BEST3: variants seen among roughly 807,000 people sequenced by gnomAD.
BEST3 encodes bestrophin 3, also known as bestrophin-3.
BEST3 carries 50 observed loss-of-function variants against 47.1 expected under a neutral mutation model. The ratio of observed to expected loss-of-function variants is 1.06; its 90% CI spans 0.85 to 1.34. BEST3 has a LOEUF of 1.34. BEST3 is among the 40% of genes most tolerant of loss of function. BEST3 has a pLI of 0.00. For missense variants in BEST3, 765 were observed against 817.0 expected, an observed-to-expected ratio of 0.94 and a Z score of 0.78; for synonymous variants, 282 against 298.8, an observed-to-expected ratio of 0.94 and a Z score of 0.58.
downstream of BEST3, chr12:69,653,475 C>T (rs1347915803): frequency 2.4e-5 from 7 of 292,088 alleles, no homozygotes; most frequent in African/African-American, 1.6e-4. Context: ...ACTGTCACTT[C>T]TCGGCTATGT....
chr12:69,676,764 T>C (rs998327034), intron 7 of BEST3, 152 bp downstream of exon 7: 1 of 883,112 alleles, frequency 1.1e-6, no homozygotes, highest in African/African-American at 1.7e-5. Flanking sequence ...TCTGAATCTC[T>C]GGCAGAAAAG....
intron 4 of BEST3, among the ~76,000 whole-genome samples, chr12:69,693,246 T>TC (rs904169311): frequency 7.8e-5 from 4 of 51,474 alleles, no homozygotes; most frequent in Admixed American, 3.0e-4. Flanking sequence ...TCTCTCTCTC[T>TC]TTTTTTTTTC....
chr12:69,686,790 G>GAAAA (rs1885637245), intron 4 of BEST3, among the ~76,000 whole-genome samples: 1 of 14,718 alleles, frequency 6.8e-5, no homozygotes, highest in Non-Finnish European at 1.8e-4. Context: ...AAAAAAAAAA[G>GAAAA]AAAGAAAAGA....
intron 4 of BEST3, among the ~76,000 whole-genome samples, chr12:69,686,030 A>G (rs962595252): frequency 1.3e-5 from 2 of 152,290 alleles, no homozygotes; most frequent in Non-Finnish European, 2.9e-5. Context: ...ATGTGAGACT[A>G]CAGAGGGGTG....
intron 1 of BEST3, among the ~76,000 whole-genome samples, chr12:69,698,287 G>A (rs1886208935): frequency 1.3e-5 from 2 of 152,248 alleles, no homozygotes; most frequent in Admixed American, 1.3e-4. Context: ...GTTTCCCCAT[G>A]ACAAGTTGTA....
chr12:69,683,134 C>A (rs900189256), intron 4 of BEST3: 1 of 152,200 alleles, frequency 6.6e-6, no homozygotes, highest in Non-Finnish European at 1.5e-5. Context: ...CAAGTCCTTT[C>A]TTAGCTTCTA....
intron 4 of BEST3, among the ~76,000 whole-genome samples, chr12:69,688,867 C>A (rs1885789972): frequency 6.6e-6 from 1 of 152,196 alleles, no homozygotes; most frequent in Admixed American, 6.5e-5. Flanking sequence ...TCCAGACCTA[C>A]TGAGTCAGAA....
At chr12:69,658,479 C>T (rs1201239204) in intron 9 of BEST3, among the ~76,000 whole-genome samples, 1 of 152,102 alleles carries the variant, frequency 6.6e-6, no homozygotes, top group African/African-American at 2.4e-5. Context: ...CAAGAAGACC[C>T]TATTGTACCT....
Position 69,655,321 on chromosome 12 carries a change from A to G in BEST3, c.1593T>C (p.Phe531=). 1 of 1,614,160 alleles carries G rather than the reference A, an allele frequency of 6.2e-7. No homozygotes were observed. The highest frequency in any genetic ancestry group is 8.5e-7 in the Non-Finnish European group (1 of 1,180,024). Reference sequence around the variant, plus strand: ...CAGTCTTGCTTGGCTGAACCCCTGTAAACTCAGAGCTCAAGATGGAGGTAG... The same window carrying G: ...CAGTCTTGCTTGGCTGAACCCCTGTGAACTCAGAGCTCAAGATGGAGGTAG... ...DSATSILSSE[F]TGVQPSKTEQ... The change falls in exon 10 of 10, where the codon TTT becomes TTC. Residue 531 remains phenylalanine, a synonymous_variant. Coordinates refer to ENST00000330891, the MANE Select transcript of BEST3 (RefSeq NM_032735.3).
chr12:69,674,591 G>T (rs748654522), intron 7 of BEST3, among the ~76,000 whole-genome samples: 8 of 152,170 alleles, frequency 5.3e-5, no homozygotes, highest in Non-Finnish European at 1.0e-4. Flanking sequence ...TAAGGGTACT[G>T]GTTGAGTCCT....
rs1407327081 is a variant in BEST3, at chr12:69,655,453, C to G, written c.1461G>C (p.Gln487His). ...QTSTLQSLTP[Q>H]SSVRTSPIKM... ...TGATGGGGGAAGTTCTCACACTGGA[C>G]TGTGGGGTCAGGCTCTGTAAAGTGC... Residue 487 changes from glutamine (Q) to histidine (H), a missense_variant, in exon 10 of 10, where the codon CAG becomes CAC. Gln to His is a conservative substitution (Grantham distance 24, BLOSUM62 0). Coordinates refer to ENST00000330891, the MANE Select transcript of BEST3 (RefSeq NM_032735.3). 1.2e-5 allele frequency: 19 copies of G among 1,614,120 alleles called. No homozygotes were observed. The highest frequency in any genetic ancestry group is 1.6e-5 in the Non-Finnish European group (19 of 1,180,022).
chr12:69,653,184 G>C (rs954363179), downstream of BEST3, among the ~76,000 whole-genome samples: 1 of 152,192 alleles, frequency 6.6e-6, no homozygotes, highest in African/African-American at 2.4e-5. Flanking sequence ...GAAAAATGAA[G>C]AGGACTATGG....
chr12:69,646,032 G>A (rs1422128246), intron 9 of BEST3, among the ~76,000 whole-genome samples: 1 of 152,132 alleles, frequency 6.6e-6, no homozygotes, highest in Non-Finnish European at 1.5e-5. Context: ...TGCCCCCGAG[G>A]TTCAAGTGAT....
Position 69,672,970 on chromosome 12 carries a change from A to T in BEST3, c.868-5T>A. ...GTTGATAAGCTGCTCTGCTACCTGT[A>T]GTTGAGAACATAAAATAAATCCATC... On this transcript the variant is annotated splice_region_variant and splice_polypyrimidine_tract_variant and intron_variant, in intron 7 of 9. Transcript: ENST00000330891. The T allele has an allele frequency of 6.2e-7, 1 of 1,603,252 alleles. No homozygotes were observed. Among genetic ancestry groups the T allele is most frequent in the Admixed American group, 1.7e-5 (1 of 58,176 alleles).
intron 2 of BEST3, among the ~76,000 whole-genome samples, chr12:69,695,299 G>A (rs1886091571): frequency 6.6e-6 from 1 of 152,142 alleles, no homozygotes; most frequent in African/African-American, 2.4e-5. Context: ...GGAACTCAAG[G>A]AAAGATCCAT....
chr12:69,689,371 T>C, intron 4 of BEST3: 1 of 492,556 alleles, frequency 2.0e-6, no homozygotes, highest in Non-Finnish European at 2.6e-6. Context: ...CCGAAGCGTC[T>C]CTCCTGGCTT....
intron 4 of BEST3, chr12:69,683,433 A>C (rs1295958805): frequency 6.6e-6 from 1 of 152,252 alleles, no homozygotes; most frequent in South Asian, 2.1e-4. Flanking sequence ...ACTAAGCTAA[A>C]GGGAAAAGTC....
At chr12:69,669,447 G>A (rs1041572272) in intron 9 of BEST3, among the ~76,000 whole-genome samples, 2 of 152,140 alleles carry the variant, frequency 1.3e-5, no homozygotes, top group Non-Finnish European at 2.9e-5. Flanking sequence ...ATTTTAGTTG[G>A]AGGACTTCTC....
chr12:69,655,438 A>G lies in BEST3; in HGVS notation c.1476T>C (p.Thr492=). The change falls in exon 10 of 10, where the codon ACT becomes ACC. Residue 492 remains threonine, a synonymous_variant. Transcript: ENST00000330891. ...QSLTPQSSVR[T]SPIKMPLVPE... Reference sequence around the variant, plus strand: ...GTACCAGTGGCATTTTGATGGGGGAAGTTCTCACACTGGACTGTGGGGTCA... The same window carrying G: ...GTACCAGTGGCATTTTGATGGGGGAGGTTCTCACACTGGACTGTGGGGTCA... 2 of 1,614,104 alleles carry G rather than the reference A, an allele frequency of 1.2e-6. No individual in the cohort carries two copies. The highest frequency in any genetic ancestry group is 1.7e-6 in the Non-Finnish European group (2 of 1,180,000).
Sources: gnomAD v4.1 joint callset for allele counts (sites outside exome capture counted in the v4.1 genomes callset) on GRCh38, gnomAD v4.1.1 for gene constraint, MANE v1.5 for transcripts, NCBI Gene and HGNC (gene_info 2026-07-23, HGNC 2026-07-21) for gene names.